The following UBE2E3 variants were observed in gnomAD, a reference collection of about 807,000 sequenced individuals.
UBE2E3 encodes the protein ubiquitin conjugating enzyme E2 E3, also known as ubiquitin-conjugating enzyme E2 E3.
In UBE2E3, 5 loss-of-function variants were observed where a neutral mutation model predicts 23.6. The observed-to-expected ratio is 0.21, with a 90% CI of 0.11 to 0.44. The LOEUF is 0.44. UBE2E3 is among the 20% of genes least tolerant of loss of function. The pLI is 0.99. For synonymous variants in UBE2E3, 78 were observed against 87.5 expected, an observed-to-expected ratio of 0.89 and a Z score of 0.60; for missense variants, 81 against 249.8, an observed-to-expected ratio of 0.32 and a Z score of 4.55.
upstream of UBE2E3, chr2:180,980,586 T>A (rs1559108054): frequency 7.0e-6 from 1 of 142,300 alleles, no homozygotes; most frequent in Non-Finnish European, 1.5e-5. The surrounding 1 kb of genome is among the most constrained non-coding windows in gnomAD (Gnocchi z 5.5). Context: ...CGCCCGCCCC[T>A]CCCCCCCGCG....
intron 3 of UBE2E3, among the ~76,000 whole-genome samples, chr2:181,048,131 A>G (rs369994693): frequency 6.6e-6 from 1 of 152,078 alleles, no homozygotes; most frequent in Non-Finnish European, 1.5e-5. Flanking sequence ...TCTTTTAAAT[A>G]TTGCTTCCTC....
chr2:181,033,160 A>T (rs1422877716), intron 3 of UBE2E3, among the ~76,000 whole-genome samples: 1 of 152,202 alleles, frequency 6.6e-6, no homozygotes, highest in Non-Finnish European at 1.5e-5. Flanking sequence ...GACTTTCTTC[A>T]CAGAATTGGA....
intron 3 of UBE2E3, among the ~76,000 whole-genome samples, chr2:181,042,021 T>C (rs1686525659): frequency 6.6e-6 from 1 of 152,236 alleles, no homozygotes; most frequent in African/African-American, 2.4e-5. Context: ...CTTCTGCATT[T>C]GTCAAAACTA....
intron 3 of UBE2E3, among the ~76,000 whole-genome samples, chr2:181,041,002 C>A (rs1292550114): frequency 6.6e-6 from 1 of 152,182 alleles, no homozygotes; most frequent in Admixed American, 6.5e-5. Flanking sequence ...GTAATCCCAG[C>A]ACTTTGGGAG....
intron 3 of UBE2E3, among the ~76,000 whole-genome samples, chr2:181,037,994 G>A (rs969904619): frequency 2.0e-5 from 3 of 152,104 alleles, no homozygotes; most frequent in African/African-American, 7.2e-5. Context: ...GTTATAGTAA[G>A]CTAAAGTTAA....
chr2:180,999,143 G>GA (rs1684919680), intron 3 of UBE2E3, among the ~76,000 whole-genome samples: 1 of 152,060 alleles, frequency 6.6e-6, no homozygotes, highest in Admixed American at 6.6e-5. Flanking sequence ...ACAAGAATAT[G>GA]AAAATTATAA....
At chr2:180,992,778 C>T (rs909397679) in intron 3 of UBE2E3, among the ~76,000 whole-genome samples, 6 of 152,220 alleles carry the variant, frequency 3.9e-5, no homozygotes, top group African/African-American at 1.4e-4. Flanking sequence ...TCTCCTGCCT[C>T]AGCCTCCCGA....
At chr2:181,033,550 A>T (rs1376740636) in intron 3 of UBE2E3, among the ~76,000 whole-genome samples, 1 of 152,230 alleles carries the variant, frequency 6.6e-6, no homozygotes, top group Admixed American at 6.5e-5. Context: ...TAAAGACTTA[A>T]ATATTAGACC....
chr2:181,035,472 A>G (rs1429892477), intron 3 of UBE2E3, among the ~76,000 whole-genome samples: 1 of 152,086 alleles, frequency 6.6e-6, no homozygotes, highest in East Asian at 1.9e-4. Flanking sequence ...TATTACTTTC[A>G]GTAGATGTAT....
chr2:181,010,136 A>G (rs1055810052), intron 3 of UBE2E3, among the ~76,000 whole-genome samples: 1 of 152,100 alleles, frequency 6.6e-6, no homozygotes, highest in African/African-American at 2.4e-5. Context: ...ACCACATACT[A>G]CTACTCCTAC....
chr2:181,017,751 A>G (rs1424660736), intron 3 of UBE2E3, among the ~76,000 whole-genome samples: 2 of 148,314 alleles, frequency 1.3e-5, no homozygotes, highest in Non-Finnish European at 3.0e-5. Context: ...TGTTTAAGTA[A>G]TAGTTAGATC....
At chr2:181,031,780 T>C (rs1686087588) in intron 3 of UBE2E3, among the ~76,000 whole-genome samples, 1 of 152,204 alleles carries the variant, frequency 6.6e-6, no homozygotes, top group Non-Finnish European at 1.5e-5. Context: ...TCTGAAACTT[T>C]ACTGTGCTTA....
chr2:181,053,777 A>G (rs1157760854), intron 3 of UBE2E3, among the ~76,000 whole-genome samples: 2 of 151,762 alleles, frequency 1.3e-5, no homozygotes, highest in Admixed American at 6.6e-5. Flanking sequence ...TTACACATAT[A>G]TAGTGACATA....
chr2:181,013,631 G>A (rs193274062), intron 3 of UBE2E3, among the ~76,000 whole-genome samples: 1 of 152,168 alleles, frequency 6.6e-6, no homozygotes, highest in Non-Finnish European at 1.5e-5. Context: ...TAAACCTGAT[G>A]ACTGGGTTTC....
intron 3 of UBE2E3, chr2:180,987,278 G>C (rs1684507292): frequency 1.3e-6 from 2 of 1,529,192 alleles, no homozygotes; most frequent in Non-Finnish European, 1.8e-6. Flanking sequence ...ATTGAGAATT[G>C]TTGACTAGAA....
At chr2:181,040,698 CAGTTT>C (rs1316329055) in intron 3 of UBE2E3, among the ~76,000 whole-genome samples, 2 of 152,036 alleles carry the variant, frequency 1.3e-5, no homozygotes, top group East Asian at 3.8e-4. Flanking sequence ...ACTGGAAAAA[CAGTTT>C]AGTCTGATGA....
At chr2:181,033,492 A>G (rs1686156139) in intron 3 of UBE2E3, among the ~76,000 whole-genome samples, 1 of 152,216 alleles carries the variant, frequency 6.6e-6, no homozygotes, top group Non-Finnish European at 1.5e-5. Flanking sequence ...GAAAGCTGAA[A>G]CTGGATCCCT....
intron 5 of UBE2E3, among the ~76,000 whole-genome samples, chr2:181,061,351 T>C (rs1044695720): frequency 1.0e-4 from 1 of 9,816 alleles, no homozygotes; most frequent in Admixed American, 1.2e-3. Context: ...TCTCGATCTC[T>C]TGACCTCATG....
intron 3 of UBE2E3, among the ~76,000 whole-genome samples, chr2:180,995,122 G>C (rs1684785365): frequency 2.0e-5 from 3 of 152,030 alleles, no homozygotes. Flanking sequence ...ATTGTGTATT[G>C]CGGTAAAAAG....
Sources: gnomAD v4.1 joint callset for allele counts (sites outside exome capture counted in the v4.1 genomes callset) on GRCh38, gnomAD v4.1.1 for gene constraint, Gnocchi (gnomAD v3.1) non-coding constraint, MANE v1.5 for transcripts, NCBI Gene and HGNC (gene_info 2026-07-23, HGNC 2026-07-21) for gene names.